Variants in CPS1 observed in about 807,000 individuals in gnomAD.
The protein encoded by CPS1 is carbamoyl-phosphate synthase 1.
In CPS1, 109 loss-of-function variants were observed where a neutral mutation model predicts 174.6. The observed-to-expected ratio is 0.62, with a 90% CI of 0.53 to 0.73. The LOEUF is 0.73. CPS1 is among the 30% of genes least tolerant of loss of function. The pLI is 0.00. For synonymous variants in CPS1, 637 were observed against 632.0 expected, an observed-to-expected ratio of 1.01 and a Z score of -0.12; for missense variants, 1,689 against 1,821.9, an observed-to-expected ratio of 0.93 and a Z score of 1.33.
intron 6 of CPS1, among the ~76,000 whole-genome samples, chr2:210,584,548 G>A (rs35672393): frequency 0.07 from 10,608 of 152,004 alleles, 555 homozygotes; most frequent in East Asian, 0.25. Context: ...CATAATTATC[G>A]TGGTCCATTC....
chr2:210,606,903 A>C lies in CPS1; in HGVS notation c.2154A>C (p.Arg718Ser). The C allele has an allele frequency of 6.2e-7, 1 of 1,612,516 alleles. No homozygotes were observed. The highest frequency in any genetic ancestry group is 1.1e-5 in the South Asian group (1 of 91,058). Residue 718 changes from arginine to serine, a missense_variant, in exon 18 of 38, where the codon AGA (arginine) becomes AGC (serine). Physicochemically the swap from Arg to Ser is moderately radical, Grantham distance 110. Transcript: ENST00000233072. ...ACTGCATCATTGAAGTGAATGCCAG[A>C]CTGTCCCGAAGCTCTGCTCTGGCCT... The part of the protein sequence containing the change: ...MEYCIIEVNA[R>S]LSRSSALASK...
intron 21 of CPS1, among the ~76,000 whole-genome samples, chr2:210,637,279 G>A (rs958437859): frequency 3.3e-5 from 5 of 152,290 alleles, no homozygotes; most frequent in African/African-American, 9.6e-5. Flanking sequence ...AAGCCACTTA[G>A]TAGAAGCCAG....
Position 210,590,313 on chromosome 2 carries a change from C to T in CPS1, c.840+79C>T, listed in dbSNP as rs1698251896. 46 of 1,594,630 alleles carry T rather than the reference C, an allele frequency of 2.9e-5. 1 individual carries two copies. The South Asian group carries it at 4.3e-4, about 15-fold the overall frequency. The stretch of plus-strand genomic sequence containing the variant: ...TCTATACCCTCAAAGGGCTGTGATA[C>T]ATTTTATTTATTCAGGCATTTTTCA... On this transcript the variant is annotated intron_variant, in intron 8 of 37. Coordinates refer to ENST00000233072, the MANE Select transcript of CPS1 (RefSeq NM_001875.5).
At chr2:210,583,401 A>G (rs1263155050) in intron 6 of CPS1, among the ~76,000 whole-genome samples, 2 of 152,146 alleles carry the variant, frequency 1.3e-5, no homozygotes, top group Admixed American at 6.6e-5. Context: ...CACCATGTGC[A>G]GAATCCTGTG....
intron 1 of CPS1, among the ~76,000 whole-genome samples, chr2:210,513,607 T>G (rs1390005782): frequency 1.3e-5 from 2 of 151,962 alleles, no homozygotes; most frequent in East Asian, 3.9e-4. Flanking sequence ...GTTGGATGCA[T>G]AGTTTGCAAA....
rs528584074 is a variant in CPS1 at position 210,678,259 on chromosome 2, G to A, written c.*274G>A. ...AGGCTTGCCTATGTGCTTATGTGTA[G>A]CTTTTTACTTTTTATGGTGCTGATT... On this transcript the variant is annotated 3_prime_UTR_variant, in exon 38 of 38. Coordinates refer to ENST00000233072, the MANE Select transcript of CPS1 (RefSeq NM_001875.5). The A allele has an allele frequency of 1.3e-3, 636 of 477,886 alleles. 5 individuals carry two copies. Among genetic ancestry groups the A allele is most frequent in the Admixed American group, 2.9e-3 (86 of 29,986 alleles). 29.6% of individuals were successfully genotyped at this position (477,886 alleles called of 1,614,324 possible). A position where few individuals can be genotyped will look rare whatever the true frequency, so the allele number is the denominator to read the frequency against.
chr2:210,595,669 C>T, intron 13 of CPS1, 87 bp downstream of exon 13: 1 of 919,440 alleles, frequency 1.1e-6, no homozygotes, highest in South Asian at 1.4e-5. Context: ...ATGACACTAC[C>T]TCTTTTCAAA....
chr2:210,598,056 C>T (rs1004634223), intron 13 of CPS1, among the ~76,000 whole-genome samples: 3 of 151,612 alleles, frequency 2.0e-5, no homozygotes, highest in African/African-American at 7.3e-5. Context: ...ATTCAATGTT[C>T]TTCTTAGACA....
rs189011999 is a variant in CPS1, at chr2:210,677,939, A to G, written c.4457A>G (p.Lys1486Arg). Residue 1486 changes from lysine to arginine, a missense_variant, in exon 38 of 38, where the codon AAG becomes AGG. Lys to Arg is a conservative substitution (Grantham distance 26, BLOSUM62 2). Transcript: ENST00000233072. ...AVQKSRKVDS[K>R]SLFHYRQYSA... ...CAGAAATCTCGCAAGGTGGACTCCA[A>G]GAGTCTTTTCCACTACAGGCAGTAC... 32 of 1,614,154 alleles carry G rather than the reference A, an allele frequency of 2.0e-5. No homozygotes were observed. In the Admixed American group the frequency reaches 2.0e-4, roughly 10 times the overall value.
chr2:210,518,661 G>A (rs1695743119), intron 1 of CPS1, among the ~76,000 whole-genome samples: 1 of 152,032 alleles, frequency 6.6e-6, no homozygotes, highest in Non-Finnish European at 1.5e-5. Context: ...CTGCCCAACT[G>A]CTGTATTTAA....
intron 33 of CPS1, among the ~76,000 whole-genome samples, chr2:210,667,293 T>A (rs1265471977): frequency 6.6e-6 from 1 of 152,210 alleles, no homozygotes; most frequent in Non-Finnish European, 1.5e-5. Flanking sequence ...TTTGACTTCC[T>A]CTTTTCCTAA....
chr2:210,664,935 A>G (rs959119056), intron 33 of CPS1, among the ~76,000 whole-genome samples: 2 of 152,246 alleles, frequency 1.3e-5, no homozygotes, highest in Non-Finnish European at 2.9e-5. Flanking sequence ...GATTAAATAA[A>G]CATTCAGCTA....
At position 210,588,090 on chromosome 2, in the gene CPS1, A is replaced by T; in HGVS notation, c.654A>T (p.Thr218=). The T allele has an allele frequency of 6.2e-7, 1 of 1,613,058 alleles. No individual in the cohort carries two copies. The highest frequency in any genetic ancestry group is 8.5e-7 in the Non-Finnish European group (1 of 1,179,276). Residue 218 remains threonine (T), a synonymous_variant, in exon 7 of 38, where the codon ACA becomes ACT. Transcript: ENST00000233072. The part of the protein sequence containing the change: ...DVKVYGKGNP[T]KVVAVDCGIK... The stretch of plus-strand genomic sequence containing the variant: ...AAGTGTACGGCAAAGGAAACCCCAC[A>T]AAAGTGGTAGCTGTAGACTGTGGGA...
chr2:210,612,090 A>G (rs925047776), intron 19 of CPS1, 27 bp from the exon 20 acceptor site: 11 of 1,605,156 alleles, frequency 6.9e-6, no homozygotes, highest in African/African-American at 5.4e-5. Flanking sequence ...CTTTCTTTCA[A>G]TATGAGGTCT....
intron 6 of CPS1, among the ~76,000 whole-genome samples, chr2:210,587,391 C>T (rs1306947008): frequency 6.6e-6 from 1 of 152,034 alleles, no homozygotes; most frequent in African/African-American, 2.4e-5. Context: ...GGAGCTGCTT[C>T]TTGGGTTAAT....
rs1284501343 is a variant in CPS1 at position 210,663,190 on chromosome 2, C to A, written c.3995C>A (p.Thr1332Asn). 4.3e-6 allele frequency: 7 copies of A among 1,613,116 alleles called. No homozygotes were observed. The highest frequency in any genetic ancestry group is 5.9e-6 in the Non-Finnish European group (7 of 1,179,428). Reference protein sequence around the residue: ...DPILRCEMASTGEVACFGEGI... With the variant: ...DPILRCEMASNGEVACFGEGI... ...ATTCTGAGATGTGAGATGGCTTCCA[C>A]TGGAGAGGTAACTAGTTAATAATCC... Residue 1332 changes from threonine to asparagine, a missense_variant, in exon 33 of 38, where the codon ACT becomes AAT. Thr to Asn is a moderately conservative substitution (Grantham distance 65). Coordinates refer to ENST00000233072, the MANE Select transcript of CPS1 (RefSeq NM_001875.5).
intron 34 of CPS1, among the ~76,000 whole-genome samples, chr2:210,669,440 A>C (rs1230732656): frequency 6.6e-6 from 1 of 152,146 alleles, no homozygotes; most frequent in Admixed American, 6.5e-5. Context: ...GCATGGCTAC[A>C]TAAAAATCAA....
chr2:210,581,331 G>A (rs149733374), intron 5 of CPS1, among the ~76,000 whole-genome samples: 2 of 152,204 alleles, frequency 1.3e-5, no homozygotes, highest in African/African-American at 4.8e-5. Flanking sequence ...AGGTTAAAAC[G>A]AGCCCTCCTT....
At chr2:210,670,488 G>T (rs968307225) in intron 34 of CPS1, among the ~76,000 whole-genome samples, 1 of 97,920 alleles carries the variant, frequency 1.0e-5, no homozygotes, top group East Asian at 2.9e-4. Flanking sequence ...CATAGCAATT[G>T]CAGATAAAGT....
Sources: gnomAD v4.1 joint callset for allele counts (sites outside exome capture counted in the v4.1 genomes callset) on GRCh38, gnomAD v4.1.1 for gene constraint, MANE v1.5 for transcripts, NCBI Gene and HGNC (gene_info 2026-07-23, HGNC 2026-07-21) for gene names.